The following SPEF2 variants were observed in gnomAD, a reference collection of about 807,000 sequenced individuals.
SPEF2 encodes sperm flagella and cilia-associated protein 2.
SPEF2 carries 187 observed loss-of-function variants against 224.6 expected under a neutral mutation model. The ratio of observed to expected loss-of-function variants is 0.83; its 90% CI spans 0.74 to 0.94. The LOEUF (loss-of-function observed/expected upper bound fraction) is 0.94, where lower values mean the gene tolerates loss of function less well. SPEF2 is among the 40% of genes least tolerant of loss of function. The probability of loss-of-function intolerance (pLI) is 0.00; values close to 1 mark genes in which losing one functional copy is unlikely to be tolerated. For synonymous variants in SPEF2, 715 were observed against 707.3 expected (o/e 1.01, Z -0.17); for missense variants, 2,170 against 2,135.6 (o/e 1.02, Z -0.32).
chr5:35,695,942 C>T (rs1445653774), intron 14 of SPEF2, 146 bp downstream of exon 14: 3 of 524,268 alleles, frequency 5.7e-6, no homozygotes, highest in Non-Finnish European at 3.3e-6. Flanking sequence ...ATTAGCTCAC[C>T]TGACTTTACT....
At chr5:35,733,830 C>T (rs898307361) in intron 21 of SPEF2, among the ~76,000 whole-genome samples, 1 of 151,798 alleles carries the variant, frequency 6.6e-6, no homozygotes, top group African/African-American at 2.4e-5. Flanking sequence ...ATGTTCAAAT[C>T]CCAGCTATGT....
intron 9 of SPEF2, among the ~76,000 whole-genome samples, chr5:35,668,318 A>AAT (rs530503442): frequency 4.5e-4 from 69 of 152,302 alleles, no homozygotes; most frequent in Non-Finnish European, 8.4e-4. Flanking sequence ...ATTGCTGAGA[A>AAT]ATATAAAATA....
intron 9 of SPEF2, among the ~76,000 whole-genome samples, chr5:35,667,890 G>C (rs1448394482): frequency 1.3e-5 from 2 of 151,960 alleles, no homozygotes; most frequent in Non-Finnish European, 2.9e-5. Context: ...ATATTTAGAT[G>C]ACAAATACAC....
intron 33 of SPEF2, 51 bp downstream of exon 33, chr5:35,795,846 C>CTTTGTGT (rs775821065): frequency 1.4e-6 from 2 of 1,479,644 alleles, no homozygotes; most frequent in South Asian, 2.4e-5. Flanking sequence ...TAATCATTTT[C>CTTTGTGT]TTTGTGTTTT....
intron 1 of SPEF2, among the ~76,000 whole-genome samples, chr5:35,627,662 G>A (rs1744463245): frequency 6.6e-6 from 1 of 152,082 alleles, no homozygotes; most frequent in Non-Finnish European, 1.5e-5. Flanking sequence ...TATGTGGCAG[G>A]CATGGCACCC....
intron 10 of SPEF2, among the ~76,000 whole-genome samples, chr5:35,690,737 G>T (rs1580294082): frequency 6.6e-6 from 1 of 152,062 alleles, no homozygotes; most frequent in South Asian, 2.1e-4. Flanking sequence ...CTGCTTACTG[G>T]TGATAACATC....
At position 35,712,871 on chromosome 5, in the gene SPEF2, G is replaced by A. The variant is rs773002918; in HGVS notation, c.2899G>A (p.Ala967Thr). Residue 967 changes from alanine to threonine, a missense_variant, in exon 20 of 37, where the codon GCA becomes ACA. By Grantham distance (58) the Ala-to-Thr change is moderately conservative. Transcript: ENST00000356031. ...QEGKGKKGET[A>T]LKRKGSPKGK... ...AGGAAAAGGGAAGAAAGGTGAGACC[G>A]CACTCAAAAGAAAAGGTACAGCAGA... 21 of 1,613,304 alleles carry A rather than the reference G, an allele frequency of 1.3e-5. No individual in the cohort carries two copies. Among genetic ancestry groups the A allele is most frequent in the East Asian group, 2.2e-5 (1 of 44,862 alleles).
At chr5:35,627,921 T>A (rs1364699707) in intron 1 of SPEF2, among the ~76,000 whole-genome samples, 1 of 152,190 alleles carries the variant, frequency 6.6e-6, no homozygotes, top group Non-Finnish European at 1.5e-5. Context: ...TGGGCCATAG[T>A]GTCCCCTCTG....
intron 10 of SPEF2, chr5:35,671,320 A>G: frequency 2.1e-6 from 2 of 957,914 alleles, no homozygotes; most frequent in Non-Finnish European, 2.5e-6. Flanking sequence ...GAAAAATATG[A>G]GATTATGAGA....
chr5:35,679,673 G>A (rs528789680), intron 10 of SPEF2, among the ~76,000 whole-genome samples: 9 of 152,298 alleles, frequency 5.9e-5, no homozygotes, highest in African/African-American at 9.6e-5. Context: ...CAGATTGTAC[G>A]TACCCATTGA....
At chr5:35,666,036 A>G (rs1750419992) in intron 8 of SPEF2, among the ~76,000 whole-genome samples, 1 of 152,180 alleles carries the variant, frequency 6.6e-6, no homozygotes, top group South Asian at 2.1e-4. Flanking sequence ...TTTTTGGGGT[A>G]TGCTAAGTAC....
At chr5:35,649,609 A>C (rs1747903461) in intron 6 of SPEF2, among the ~76,000 whole-genome samples, 184 bp downstream of exon 6, 1 of 152,220 alleles carries the variant, frequency 6.6e-6, no homozygotes, top group Non-Finnish European at 1.5e-5. Flanking sequence ...CAACTGTTAT[A>C]AATATCTGAG....
intron 2 of SPEF2, among the ~76,000 whole-genome samples, chr5:35,631,171 A>T (rs1745060651): frequency 6.6e-6 from 1 of 152,200 alleles, no homozygotes; most frequent in Admixed American, 6.5e-5. Flanking sequence ...CATTGATGGT[A>T]GCAGGCAAAG....
chr5:35,720,115 T>C (rs1216405718), intron 20 of SPEF2, among the ~76,000 whole-genome samples: 1 of 152,228 alleles, frequency 6.6e-6, no homozygotes, highest in Non-Finnish European at 1.5e-5. Context: ...TGGATTTTTA[T>C]TGCACTAATG....
chr5:35,712,704 AAATGTAACT>A, intron 19 of SPEF2, 99 bp from the exon 20 acceptor site: 5 of 1,079,848 alleles, frequency 4.6e-6, no homozygotes, highest in Non-Finnish European at 6.9e-6. Context: ...TGCAGTTCAC[AAATGTAACT>A]GTTTACCTAT....
chr5:35,780,083 A>G (rs1405056463), intron 30 of SPEF2, among the ~76,000 whole-genome samples: 4 of 152,152 alleles, frequency 2.6e-5, no homozygotes, highest in Admixed American at 6.5e-5. Context: ...TTTTTTGCCT[A>G]TGGTCATATA....
In SPEF2 at chr5:35,753,624, G is replaced by C. The variant is rs755400518; in HGVS notation, c.3331G>C (p.Asp1111His). 2.5e-6 allele frequency: 4 copies of C among 1,613,900 alleles called. No homozygotes were observed. ...TKAELHQRVN[D>H]LRDRLWDICD... ...CACCATGCCTGTTTTTTCTGTTCAG[G>C]ATCTGCGAGACCGCCTGTGGGACAT... The change falls in exon 24 of 37, where the codon GAT (aspartate) becomes CAT (histidine). Residue 1111 changes from aspartate (D) to histidine (H), a missense_variant and splice_region_variant. Transcript: ENST00000356031.
chr5:35,634,227 A>C (rs1210683153), intron 2 of SPEF2, among the ~76,000 whole-genome samples: 1 of 152,006 alleles, frequency 6.6e-6, no homozygotes, highest in African/African-American at 2.4e-5. Flanking sequence ...GAGTTATCTT[A>C]GTTTTTGTTT....
intron 1 of SPEF2, among the ~76,000 whole-genome samples, chr5:35,618,440 A>G (rs748789507): frequency 3.3e-5 from 5 of 152,092 alleles, no homozygotes; most frequent in Non-Finnish European, 7.4e-5. Context: ...TCTGACCCCA[A>G]CGATGCCTCC....
Sources: gnomAD v4.1 joint callset for allele counts (sites outside exome capture counted in the v4.1 genomes callset) on GRCh38, gnomAD v4.1.1 for gene constraint, MANE v1.5 for transcripts, NCBI Gene and HGNC (gene_info 2026-07-23, HGNC 2026-07-21) for gene names.